ZNF521: variants seen among roughly 807,000 people sequenced by gnomAD.
ZNF521 encodes the protein LYST-interacting protein 3.
ZNF521 carries 14 observed loss-of-function variants against 105.5 expected under a neutral mutation model. That is an observed-to-expected ratio of 0.13 (90% confidence interval 0.09 to 0.21). The LOEUF (loss-of-function observed/expected upper bound fraction) is 0.21. Ranked by LOEUF, ZNF521 falls within the 10% of genes least tolerant of loss-of-function variation. The pLI is 1.00. For synonymous variants in ZNF521, 635 were observed against 606.0 expected (o/e 1.05, Z -0.70); for missense variants, 1,233 against 1,629.7 (o/e 0.76, Z 4.19).
At chr18:25,181,457 C>A (rs1166026820) in intron 5 of ZNF521, among the ~76,000 whole-genome samples, 2 of 152,092 alleles carry the variant, frequency 1.3e-5, no homozygotes, top group Non-Finnish European at 2.9e-5. Context: ...GGGATTTAAT[C>A]ACGTAAAAAC....
intron 5 of ZNF521, among the ~76,000 whole-genome samples, chr18:25,150,580 G>A (rs917338544): frequency 1.3e-5 from 2 of 152,134 alleles, no homozygotes; most frequent in Admixed American, 6.6e-5. Flanking sequence ...AGAAGAAGAT[G>A]TCAGCCACAA....
intron 3 of ZNF521, among the ~76,000 whole-genome samples, chr18:25,279,282 T>C (rs1364863509): frequency 6.6e-6 from 1 of 152,234 alleles, no homozygotes; most frequent in Non-Finnish European, 1.5e-5. Context: ...TACAGCATTC[T>C]ACAGTAATGA....
intron 7 of ZNF521, among the ~76,000 whole-genome samples, chr18:25,080,503 A>C (rs968623502): frequency 3.9e-5 from 6 of 152,214 alleles, no homozygotes; most frequent in African/African-American, 1.4e-4. Context: ...ACAAATGTGA[A>C]TTCCTCTTAA....
chr18:25,094,972 A>G (rs1198726361), intron 5 of ZNF521, among the ~76,000 whole-genome samples: 1 of 152,162 alleles, frequency 6.6e-6, no homozygotes, highest in African/African-American at 2.4e-5. Context: ...AAGAATTTCA[A>G]AAGTTTATCC....
intron 3 of ZNF521, among the ~76,000 whole-genome samples, chr18:25,243,846 A>C (rs1257128378): frequency 6.6e-6 from 1 of 152,164 alleles, no homozygotes; most frequent in East Asian, 1.9e-4. Flanking sequence ...TGTAATGTAA[A>C]ATTGAGGACT....
At chr18:25,210,030 T>G (rs1344531621) in intron 4 of ZNF521, among the ~76,000 whole-genome samples, 1 of 152,180 alleles carries the variant, frequency 6.6e-6, no homozygotes, top group African/African-American at 2.4e-5. Context: ...GATGAAATAA[T>G]TCTACATTAT....
At chr18:25,331,694 A>G (rs966991577) in intron 2 of ZNF521, among the ~76,000 whole-genome samples, 1 of 152,174 alleles carries the variant, frequency 6.6e-6, no homozygotes, top group African/African-American at 2.4e-5. Flanking sequence ...TTGGACACCT[A>G]AAGTTAACTA....
At chr18:25,250,921 T>C (rs557067902) in intron 3 of ZNF521, among the ~76,000 whole-genome samples, 2 of 152,346 alleles carry the variant, frequency 1.3e-5, no homozygotes, top group South Asian at 4.1e-4. Flanking sequence ...ATATTCAAAG[T>C]GAAAATATAT....
intron 5 of ZNF521, among the ~76,000 whole-genome samples, chr18:25,127,715 T>G (rs571004281): frequency 2.0e-4 from 31 of 152,164 alleles, no homozygotes; most frequent in African/African-American, 7.2e-4. Flanking sequence ...ATTTTGCTTT[T>G]GAAGAGCATG....
chr18:25,225,554 G>A lies in ZNF521; in HGVS notation c.2364C>T (p.Cys788=), dbSNP rs28689581. ...CCACCTCGGTGCCAAAGGACTCACC[G>A]CAGAAAATGCACTTATGCACTTTCC... ...NQGKVHKCIF[C]GESFGTEVEL... is the part of the protein sequence containing the mutation. Residue 788 remains cysteine (C), a synonymous_variant, in exon 4 of 8, where the codon TGC becomes TGT. Coordinates refer to ENST00000361524, the MANE Select transcript of ZNF521 (RefSeq NM_015461.3). The surrounding 1 kb of genome is among the most constrained non-coding windows in gnomAD (Gnocchi z 5.6). 4,098 of 1,614,142 alleles carry A rather than the reference G, an allele frequency of 2.5e-3. 57 individuals carry two copies. The East Asian group carries it at 0.032, about 13-fold the overall frequency.
At chr18:25,279,983 T>C (rs1910264227) in intron 3 of ZNF521, among the ~76,000 whole-genome samples, 1 of 152,216 alleles carries the variant, frequency 6.6e-6, no homozygotes, top group African/African-American at 2.4e-5. Flanking sequence ...ATACGATATA[T>C]TGATAAAGGA....
At chr18:25,344,556 C>A (rs1914379089) in intron 2 of ZNF521, among the ~76,000 whole-genome samples, 1 of 152,106 alleles carries the variant, frequency 6.6e-6, no homozygotes, top group Admixed American at 6.5e-5. Flanking sequence ...TCTCCCCCAC[C>A]CCTAGAACTA....
intron 3 of ZNF521, chr18:25,315,804 C>CTGGT (rs1488524938): frequency 6.6e-6 from 1 of 152,132 alleles, no homozygotes; most frequent in African/African-American, 2.4e-5. Context: ...GGATGAAAGT[C>CTGGT]ACCAAAGGAA....
chr18:25,346,753 A>G (rs940360604), intron 2 of ZNF521, among the ~76,000 whole-genome samples: 1 of 152,220 alleles, frequency 6.6e-6, no homozygotes, highest in Admixed American at 6.5e-5. Context: ...CAAGTTAAAC[A>G]AGGCACTTCT....
intron 3 of ZNF521, among the ~76,000 whole-genome samples, chr18:25,249,805 T>C (rs1321472260): frequency 1.3e-5 from 2 of 152,188 alleles, no homozygotes; most frequent in African/African-American, 4.8e-5. Context: ...AATAAAAGAA[T>C]TGTACTCTGC....
chr18:25,314,546 C>T (rs1912500086), intron 3 of ZNF521, among the ~76,000 whole-genome samples: 1 of 152,184 alleles, frequency 6.6e-6, no homozygotes, highest in Non-Finnish European at 1.5e-5. Context: ...CAATTCAGTT[C>T]ATTTTCCTAA....
chr18:25,110,983 G>A (rs565089762), intron 5 of ZNF521, among the ~76,000 whole-genome samples: 2 of 151,954 alleles, frequency 1.3e-5, no homozygotes, highest in South Asian at 2.1e-4. Context: ...GGCTGGTCTC[G>A]AACTCCTGGC....
rs142768000 is a variant in ZNF521 at position 25,238,526 on chromosome 18, G to A, written c.221-10829C>T. ...GAGCAGGGTGGTATGGTCGGATCAGGTATTGACAAAGCAAAGCAGAAAAAA... is the reference window on the plus strand; with the variant it reads ...GAGCAGGGTGGTATGGTCGGATCAGATATTGACAAAGCAAAGCAGAAAAAA... On this transcript the variant is annotated intron_variant, in intron 3 of 7. Coordinates refer to ENST00000361524, the MANE Select transcript of ZNF521 (RefSeq NM_015461.3). Among the ~76,000 whole-genome samples, 475 of 152,252 alleles carry A rather than the reference G, an allele frequency of 3.1e-3. 3 individuals are homozygous for A. The highest frequency in any genetic ancestry group is 0.011 in the African/African-American group (447 of 41,552).
intron 3 of ZNF521, among the ~76,000 whole-genome samples, chr18:25,300,490 A>T (rs185686370): frequency 6.7e-4 from 102 of 152,334 alleles, no homozygotes; most frequent in African/African-American, 2.3e-3. Flanking sequence ...AAACAAGAGA[A>T]CAGTCTTATG....
Sources: allele counts gnomAD v4.1 joint callset (sites outside exome capture counted in the v4.1 genomes callset), GRCh38; gene constraint gnomAD v4.1.1; non-coding constraint Gnocchi (gnomAD v3.1); transcripts MANE v1.5; gene names NCBI Gene and HGNC (gene_info 2026-07-23, HGNC 2026-07-21).